The following APP variants were observed in gnomAD, a reference collection of about 807,000 sequenced individuals.
APP encodes amyloid-beta precursor protein.
A neutral mutation model predicts 101.4 loss-of-function variants in APP; 31 were observed. The ratio of observed to expected loss-of-function variants is 0.31; its 90% confidence interval spans 0.23 to 0.41. The LOEUF (loss-of-function observed/expected upper bound fraction) is 0.41, where lower values mean the gene tolerates loss of function less well. Among genes scored for constraint, APP ranks in the 10% least tolerant of loss-of-function variants. The pLI, the probability that APP is intolerant of heterozygous loss-of-function variation, is 1.00. For missense variants in APP, 839 were observed against 1,003.7 expected, an observed-to-expected ratio of 0.84 and a Z score of 2.22; for synonymous variants, 366 against 364.4, an observed-to-expected ratio of 1.00 and a Z score of -0.05.
At chr21:25,882,617 G>A (rs1388407240) in intron 17 of APP, among the ~76,000 whole-genome samples, 1 of 151,816 alleles carries the variant, frequency 6.6e-6, no homozygotes, top group African/African-American at 2.4e-5. Flanking sequence ...TACAACGTGG[G>A]CAGTGGCTGT....
chr21:26,004,485 G>A (rs1210928996), intron 6 of APP, among the ~76,000 whole-genome samples: 3 of 151,766 alleles, frequency 2.0e-5, no homozygotes, highest in South Asian at 2.1e-4. Flanking sequence ...GTAGACACGG[G>A]GTTTCTCTGT....
At chr21:25,895,195 C>T (rs1489239157) in intron 16 of APP, among the ~76,000 whole-genome samples, 1 of 142,636 alleles carries the variant, frequency 7.0e-6, no homozygotes, top group Non-Finnish European at 1.5e-5. Flanking sequence ...TTTTTTGAGA[C>T]AGAGTCTTGC....
In APP at chr21:25,982,355, T is replaced by C. The variant is rs761943676; in HGVS notation, c.1213A>G (p.Arg405Gly). ...KERLEAKHRERMSQVMREWEE... is the reference protein window; with the variant it reads ...KERLEAKHREGMSQVMREWEE... ...AGAGCCAGACTTACCTGGGACATTC[T>C]CTCTCGGTGCTTGGCCTCAAGCCTC... Residue 405 changes from arginine to glycine, a missense_variant, in exon 9 of 18, where the codon AGA becomes GGA. Transcript: ENST00000346798. The C allele has an allele frequency of 1.2e-6, 2 of 1,613,742 alleles. No individual in the cohort carries two copies. Among genetic ancestry groups the C allele is most frequent in the Non-Finnish European group, 1.7e-6 (2 of 1,179,804 alleles).
Position 25,924,429 on chromosome 21 carries a change from G to GAAAAAAAAAA in APP, c.1688-12477_1688-12468dup, listed in dbSNP as rs1338097815. On this transcript the variant is annotated intron_variant, in intron 13 of 17. Transcript: ENST00000346798. ...GCAAATACAAAAAAAAAAAAAAAAG[G>GAAAAAAAAAA]AAAAAAAAAAAGGTTGAGTTCATGT... 2.2e-4 allele frequency among the ~76,000 whole-genome samples: 12 copies of GAAAAAAAAAA among 53,686 alleles called. 1 individual carries two copies. The highest frequency in any genetic ancestry group is 2.8e-4 in the Non-Finnish European group (9 of 31,878). 35.2% of individuals were successfully genotyped at this position (53,686 alleles called of 152,430 possible). A position where few individuals can be genotyped will look rare whatever the true frequency, so the allele number is the denominator to read the frequency against.
At chr21:26,159,121 T>C (rs1034204364) in intron 1 of APP, among the ~76,000 whole-genome samples, 4 of 152,188 alleles carry the variant, frequency 2.6e-5, no homozygotes, top group African/African-American at 9.7e-5. Context: ...CTCGCTCTGT[T>C]GCCTAGGCTG....
At chr21:26,061,737 T>C (rs1430421502) in intron 3 of APP, among the ~76,000 whole-genome samples, 2 of 152,224 alleles carry the variant, frequency 1.3e-5, no homozygotes, top group Non-Finnish European at 2.9e-5. Context: ...AACTGACAGA[T>C]GGGATTCTTC....
At chr21:26,061,343 T>C (rs1039415637) in intron 3 of APP, among the ~76,000 whole-genome samples, 4 of 152,224 alleles carry the variant, frequency 2.6e-5, no homozygotes, top group Non-Finnish European at 5.9e-5. Context: ...ACACTAGATA[T>C]GTGTATATGA....
intron 17 of APP, among the ~76,000 whole-genome samples, chr21:25,888,654 CGATTTTGCTCCT>C (rs1569009459): frequency 6.6e-6 from 1 of 152,118 alleles, no homozygotes; most frequent in Admixed American, 6.5e-5. Context: ...CCATCCTTCC[CGATTTTGCTCCT>C]GCAAGGATAC....
At chr21:25,959,794 C>T (rs899589404) in intron 11 of APP, among the ~76,000 whole-genome samples, 1 of 152,190 alleles carries the variant, frequency 6.6e-6, no homozygotes, top group Non-Finnish European at 1.5e-5. Flanking sequence ...TAAAGTTAGG[C>T]TTTTGTGACA....
chr21:26,142,325 C>T (rs2063064124), intron 1 of APP, among the ~76,000 whole-genome samples: 1 of 152,174 alleles, frequency 6.6e-6, no homozygotes, highest in African/African-American at 2.4e-5. Flanking sequence ...TCTTTCTAGG[C>T]TCTGCTAAGA....
intron 8 of APP, among the ~76,000 whole-genome samples, chr21:25,984,267 A>T (rs1197703268): frequency 6.6e-6 from 1 of 152,202 alleles, no homozygotes; most frequent in Non-Finnish European, 1.5e-5. Flanking sequence ...TTAAAATTTT[A>T]AAAATTGAGA....
chr21:25,886,101 A>T (rs2037305313), intron 17 of APP, among the ~76,000 whole-genome samples: 1 of 152,166 alleles, frequency 6.6e-6, no homozygotes, highest in African/African-American at 2.4e-5. Context: ...CAGACGAGTA[A>T]AGGAGGGTAA....
chr21:25,926,148 C>T (rs1445542740), intron 13 of APP, among the ~76,000 whole-genome samples: 10 of 152,142 alleles, frequency 6.6e-5, no homozygotes, highest in Admixed American at 6.5e-4. Context: ...TCACAGACTT[C>T]CTTCTTCCCT....
intron 3 of APP, among the ~76,000 whole-genome samples, chr21:26,070,818 T>TTTA (rs895547354): frequency 3.3e-5 from 5 of 152,182 alleles, no homozygotes; most frequent in Admixed American, 2.6e-4. Context: ...CTCAATAATG[T>TTTA]AAGTTTAAAA....
intron 15 of APP, among the ~76,000 whole-genome samples, chr21:25,898,541 C>A (rs779086345): frequency 3.8e-4 from 58 of 152,160 alleles, no homozygotes; most frequent in Non-Finnish European, 7.1e-4. Flanking sequence ...TCTTCTCTAC[C>A]GTGTTCCCAC....
intron 6 of APP, among the ~76,000 whole-genome samples, chr21:26,006,010 CCTT>C (rs1250247196): frequency 7.9e-5 from 12 of 152,230 alleles, no homozygotes; most frequent in African/African-American, 2.6e-4. Flanking sequence ...TCTTCATCTG[CCTT>C]CTTTGTTCTC....
At chr21:26,142,246 C>T (rs2063062204) in intron 1 of APP, among the ~76,000 whole-genome samples, 1 of 152,120 alleles carries the variant, frequency 6.6e-6, no homozygotes, top group Admixed American at 6.5e-5. Context: ...ATATCAAAGC[C>T]ACCAATCTGA....
intron 1 of APP, chr21:26,169,235 TCACTAGGCTGCAGCCTC>T (rs2063685477): frequency 6.6e-6 from 1 of 152,276 alleles, no homozygotes. Context: ...TGGGTGGATT[TCACTAGGCTGCAGCCTC>T]CACACAGCTT....
At chr21:25,901,101 C>T (rs2146281000) in intron 15 of APP, among the ~76,000 whole-genome samples, 1 of 152,112 alleles carries the variant, frequency 6.6e-6, no homozygotes, top group Admixed American at 6.5e-5. Context: ...AGTTCGAGAC[C>T]AGCCTAGCCA....
Sources: gnomAD v4.1 joint callset for allele counts (sites outside exome capture counted in the v4.1 genomes callset) on GRCh38, gnomAD v4.1.1 for gene constraint, MANE v1.5 for transcripts, NCBI Gene and HGNC (gene_info 2026-07-23, HGNC 2026-07-21) for gene names.